Variants in USP10 observed in about 807,000 individuals in gnomAD.
USP10 encodes ubiquitin specific peptidase 10.
Under a neutral mutation model 84.5 loss-of-function variants are expected in USP10, and 22 were observed. The observed-to-expected ratio is 0.26, with a 90% CI of 0.19 to 0.37. The LOEUF is 0.37. Ranked by LOEUF, USP10 falls within the 10% of genes least tolerant of loss-of-function variation. The pLI, the probability that USP10 is intolerant of heterozygous loss-of-function variation, is 1.00. For missense variants in USP10, 1,019 were observed against 998.9 expected, an observed-to-expected ratio of 1.02 and a Z score of -0.27; for synonymous variants, 454 against 387.6, an observed-to-expected ratio of 1.17 and a Z score of -2.01.
intron 3 of USP10, among the ~76,000 whole-genome samples, chr16:84,741,486 C>G (rs1448009593): frequency 6.6e-6 from 1 of 152,212 alleles, no homozygotes; most frequent in Non-Finnish European, 1.5e-5. Context: ...TTACAAATGC[C>G]CCATGATGTT....
chr16:84,734,402 A>C (rs565837219), intron 2 of USP10, among the ~76,000 whole-genome samples: 4 of 152,194 alleles, frequency 2.6e-5, no homozygotes, highest in African/African-American at 4.8e-5. Context: ...CATTCTCTTC[A>C]CGTCTGCTGG....
At chr16:84,710,976 C>T (rs1346857181) in intron 1 of USP10, among the ~76,000 whole-genome samples, 3 of 152,122 alleles carry the variant, frequency 2.0e-5, no homozygotes, top group African/African-American at 4.8e-5. Context: ...CTAGGTTAGG[C>T]GTGAACAACA....
chr16:84,719,039 G>A (rs968463157), intron 1 of USP10, among the ~76,000 whole-genome samples: 2 of 151,970 alleles, frequency 1.3e-5, no homozygotes, highest in East Asian at 1.9e-4. Context: ...TGATCCACCC[G>A]TCTCGGCCTC....
intron 1 of USP10, among the ~76,000 whole-genome samples, chr16:84,729,399 T>C (rs1296698738): frequency 6.6e-6 from 1 of 152,250 alleles, no homozygotes; most frequent in Admixed American, 6.5e-5. Context: ...TGACATTTGA[T>C]AGTTAACTCC....
At chr16:84,742,650 C>T (rs1479227300) in intron 3 of USP10, among the ~76,000 whole-genome samples, 1 of 152,190 alleles carries the variant, frequency 6.6e-6, no homozygotes, top group Non-Finnish European at 1.5e-5. Flanking sequence ...GCCAAGCGTG[C>T]AGGCCGTCCT....
At chr16:84,700,247 G>C in intron 1 of USP10, 136 bp downstream of exon 1, 1 of 723,006 alleles carries the variant, frequency 1.4e-6, no homozygotes, top group Non-Finnish European at 1.8e-6. Flanking sequence ...CGCTGCCCGG[G>C]CCTAGGCCGG....
At chr16:84,703,822 C>T (rs956095140) in intron 1 of USP10, among the ~76,000 whole-genome samples, 4 of 152,340 alleles carry the variant, frequency 2.6e-5, no homozygotes, top group Non-Finnish European at 5.9e-5. Flanking sequence ...CGTACCAGGA[C>T]CTCACCATCA....
intron 1 of USP10, among the ~76,000 whole-genome samples, chr16:84,717,048 C>G (rs971439533): frequency 5.9e-5 from 9 of 152,190 alleles, no homozygotes; most frequent in Non-Finnish European, 1.2e-4. Context: ...CGTTGAGAAT[C>G]AGCTGCGGGT....
intron 4 of USP10, among the ~76,000 whole-genome samples, chr16:84,745,934 A>T (rs892000697): frequency 2.0e-5 from 3 of 152,208 alleles, no homozygotes; most frequent in African/African-American, 7.2e-5. Context: ...TTACATTTCC[A>T]TTTCTTGCCT....
At chr16:84,717,660 A>C (rs1292370010) in intron 1 of USP10, among the ~76,000 whole-genome samples, 3 of 152,142 alleles carry the variant, frequency 2.0e-5, no homozygotes, top group Non-Finnish European at 4.4e-5. Flanking sequence ...ATACCCAGGC[A>C]TAGGTGGAGT....
intron 1 of USP10, among the ~76,000 whole-genome samples, chr16:84,712,361 G>C (rs1597277427): frequency 6.6e-6 from 1 of 152,178 alleles, no homozygotes; most frequent in East Asian, 1.9e-4. Flanking sequence ...AGCAGCCGCT[G>C]GCCTGGCTGC....
In USP10 at chr16:84,745,087, G is replaced by C; in HGVS notation, c.606G>C (p.Pro202=). The change falls in exon 4 of 14, where the codon CCG becomes CCC. Residue 202 remains proline (P), a synonymous_variant. Transcript: ENST00000219473. ...CAGAATTTATGGGTGACATGCCCCC[G>C]TCAGTTACGCCCAGGACTTGTAACA... The part of the protein sequence containing the change: ...EDAEFMGDMP[P]SVTPRTCNSP... 6.2e-7 allele frequency: 1 copy of C among 1,613,544 alleles called. No homozygotes were observed. The highest frequency in any genetic ancestry group is 8.5e-7 in the Non-Finnish European group (1 of 1,179,626).
intron 1 of USP10, among the ~76,000 whole-genome samples, chr16:84,714,930 TTATTA>T (rs1906808933): frequency 1.3e-5 from 2 of 148,744 alleles, no homozygotes; most frequent in Non-Finnish European, 3.0e-5. Flanking sequence ...ATTATTATTA[TTATTA>T]TTTTTTTTTT....
At chr16:84,739,594 C>T (rs1335662013) in intron 2 of USP10, among the ~76,000 whole-genome samples, 1 of 152,116 alleles carries the variant, frequency 6.6e-6, no homozygotes, top group African/African-American at 2.4e-5. Flanking sequence ...TTTCTTACAC[C>T]CAATGTGTCC....
rs555390166 is a variant in USP10, at chr16:84,751,777, C to T, written c.1192+6104C>T. Among the ~76,000 whole-genome samples the T allele has an allele frequency of 3.3e-5, 5 of 152,268 alleles. No individual in the cohort carries two copies. The South Asian group carries it at 6.2e-4, about 19-fold the overall frequency. On this transcript the variant is annotated intron_variant, in intron 4 of 13. Transcript: ENST00000219473. ...GTCAACAACACCAGAATGTCGATTA[C>T]GGGCCAGTTATTGAGCCCTAAGAAT...
intron 1 of USP10, among the ~76,000 whole-genome samples, chr16:84,725,575 T>G (rs9673314): frequency 0.03 from 4,533 of 152,094 alleles, 142 homozygotes; most frequent in South Asian, 0.15. Flanking sequence ...TAATTTTTTT[T>G]TGTGTTTTTA....
intron 1 of USP10, chr16:84,733,163 T>C (rs1851012429): frequency 5.7e-6 from 3 of 521,864 alleles, no homozygotes; most frequent in South Asian, 4.7e-5. Flanking sequence ...CAAGCAGGAC[T>C]CGACAAGTTT....
rs200755558 is a variant in USP10, at chr16:84,744,820, C to T, written c.339C>T (p.Ile113=). The change falls in exon 4 of 14, where the codon ATC becomes ATT. Residue 113 remains isoleucine (I), a synonymous_variant. Coordinates refer to ENST00000219473, the MANE Select transcript of USP10 (RefSeq NM_005153.3). ...GITKEASYGS[I]DCQYPGSALA... is the part of the protein sequence containing the mutation. ...CTAAAGAAGCAAGCTATGGCTCCAT[C>T]GACTGCCAGTACCCAGGCTCTGCCC... The T allele has an allele frequency of 3.4e-4, 556 of 1,613,708 alleles. 3 individuals carry two copies. In the East Asian group the frequency reaches 0.012, roughly 34 times the overall value.
intron 1 of USP10, among the ~76,000 whole-genome samples, chr16:84,715,752 A>G (rs1041147193): frequency 2.0e-5 from 3 of 152,166 alleles, no homozygotes; most frequent in African/African-American, 7.2e-5. Context: ...TCAGGCTTCA[A>G]AGTTGGTTTA....
Sources: allele counts gnomAD v4.1 joint callset (sites outside exome capture counted in the v4.1 genomes callset), GRCh38; gene constraint gnomAD v4.1.1; transcripts MANE v1.5; gene names NCBI Gene and HGNC (gene_info 2026-07-23, HGNC 2026-07-21).